Variants in LPP observed in about 807,000 individuals in gnomAD.
LPP encodes the protein lipoma-preferred partner.
LPP carries 38 observed loss-of-function variants against 60.4 expected under a neutral mutation model. The observed-to-expected ratio is 0.63, with a 90% CI of 0.49 to 0.83. The LOEUF is 0.83. LPP is among the 40% of genes least tolerant of loss of function. The pLI is 0.00. For synonymous variants in LPP, 328 were observed against 290.8 expected, an observed-to-expected ratio of 1.13 and a Z score of -1.30; for missense variants, 902 against 783.6, an observed-to-expected ratio of 1.15 and a Z score of -1.80.
At chr3:188,671,868 TAGTC>T (rs1301405886) in intron 7 of LPP, among the ~76,000 whole-genome samples, 11 of 152,304 alleles carry the variant, frequency 7.2e-5, no homozygotes, top group East Asian at 1.9e-4. Context: ...ATTGACTAAT[TAGTC>T]AGCCAGAAAT....
intron 1 of LPP, among the ~76,000 whole-genome samples, chr3:188,210,026 A>T (rs545493868): frequency 3.1e-4 from 47 of 152,090 alleles, no homozygotes; most frequent in African/African-American, 1.1e-3. Flanking sequence ...CTCTGTATCC[A>T]TGGTTTCTGC....
intron 6 of LPP, among the ~76,000 whole-genome samples, chr3:188,590,299 G>A (rs548546741): frequency 2.0e-5 from 3 of 152,176 alleles, no homozygotes; most frequent in South Asian, 2.1e-4. Flanking sequence ...TTGGCCAGGC[G>A]CTGTGGCTCA....
At chr3:188,729,156 A>T (rs1003513330) in intron 8 of LPP, among the ~76,000 whole-genome samples, 1 of 152,236 alleles carries the variant, frequency 6.6e-6, no homozygotes, top group Non-Finnish European at 1.5e-5. Flanking sequence ...CAGAAGAAAC[A>T]GCATGTACAA....
chr3:188,298,850 G>C (rs1371540570), intron 2 of LPP, among the ~76,000 whole-genome samples: 2 of 152,122 alleles, frequency 1.3e-5, no homozygotes, highest in Non-Finnish European at 1.5e-5. Flanking sequence ...GCCCAGTGTG[G>C]GATGGGTTCT....
At chr3:188,871,076 T>A (rs1767980145) in intron 10 of LPP, among the ~76,000 whole-genome samples, 1 of 152,154 alleles carries the variant, frequency 6.6e-6, no homozygotes, top group Non-Finnish European at 1.5e-5. Flanking sequence ...CCCATAAATA[T>A]ATCCAAATAA....
At chr3:188,652,514 A>G (rs1852296696) in intron 7 of LPP, among the ~76,000 whole-genome samples, 1 of 152,128 alleles carries the variant, frequency 6.6e-6, no homozygotes, top group Non-Finnish European at 1.5e-5. Context: ...ATTCTGTATA[A>G]TGCAAAACAG....
intron 7 of LPP, among the ~76,000 whole-genome samples, chr3:188,646,752 A>T (rs940857221): frequency 6.6e-6 from 1 of 152,232 alleles, no homozygotes; most frequent in African/African-American, 2.4e-5. Flanking sequence ...CAGAAAGCCA[A>T]AAAGTTTCTC....
intron 9 of LPP, among the ~76,000 whole-genome samples, chr3:188,763,029 T>A (rs1336858225): frequency 6.6e-6 from 1 of 152,176 alleles, no homozygotes; most frequent in Admixed American, 6.6e-5. Context: ...TTGAGGAAAT[T>A]GGGCAAATGA....
In LPP at chr3:188,402,060, A is replaced by G. The variant is rs1480626604; in HGVS notation, c.-9-4052A>G. ...ACCTCAGAATAAATAGAAAACTACT[A>G]CTATTATCATAGAAGTTACTGGCAA... is the stretch of plus-strand genomic sequence containing the variant. On this transcript the variant is annotated intron_variant, in intron 3 of 11. Coordinates refer to ENST00000617246, the MANE Select transcript of LPP (RefSeq NM_001375462.1). Among the ~76,000 whole-genome samples, 4 of 152,188 alleles carry G rather than the reference A, an allele frequency of 2.6e-5. No homozygotes were observed. In the East Asian group the frequency reaches 5.8e-4, roughly 22 times the overall value.
chr3:188,547,090 G>T (rs769612961), intron 6 of LPP, among the ~76,000 whole-genome samples: 9 of 152,178 alleles, frequency 5.9e-5, no homozygotes, highest in Admixed American at 1.3e-4. Context: ...TCCTGGAGAG[G>T]TCAGAGGGGG....
chr3:188,227,913 A>G (rs1718406010), intron 2 of LPP, among the ~76,000 whole-genome samples: 1 of 152,252 alleles, frequency 6.6e-6, no homozygotes, highest in African/African-American at 2.4e-5. Context: ...GAATTTGGAC[A>G]TAGTCCCATC....
rs1553836177 is a variant in LPP at position 188,760,407 on chromosome 3, G to GTGTGT, written c.1410+125_1410+126insTGTGT. The GTGTGT allele has an allele frequency of 1.7e-5, 9 of 538,462 alleles. No individual in the cohort carries two copies. In the African/African-American group the frequency reaches 2.5e-4, roughly 15 times the overall value. The allele number at this position is 538,462 out of a possible 1,614,324, so 33.4% of individuals were successfully genotyped here. On this transcript the variant is annotated intron_variant, in intron 9 of 11. Coordinates refer to ENST00000617246, the MANE Select transcript of LPP (RefSeq NM_001375462.1). ...TTCCTAGACTTCAAAATGTGTGTGT[G>GTGTGT]GGGTGTGTGTGTGTGTGTGTGTGTG... is the stretch of plus-strand genomic sequence containing the variant.
At chr3:188,834,104 GC>G in intron 9 of LPP, among the ~76,000 whole-genome samples, 1 of 151,970 alleles carries the variant, frequency 6.6e-6, no homozygotes, top group Non-Finnish European at 1.5e-5. Flanking sequence ...CAACTCTATA[GC>G]CTTTGATACT....
At chr3:188,159,618 G>A (rs867345675) in intron 1 of LPP, among the ~76,000 whole-genome samples, 2 of 152,318 alleles carry the variant, frequency 1.3e-5, no homozygotes, top group East Asian at 3.9e-4. Flanking sequence ...TTGATGAAGA[G>A]AGGGAGTAAA....
intron 1 of LPP, among the ~76,000 whole-genome samples, chr3:188,168,964 A>G (rs1436345392): frequency 6.6e-6 from 1 of 151,690 alleles, no homozygotes; most frequent in African/African-American, 2.4e-5. Flanking sequence ...TGCAAACACC[A>G]CCTCCCCCAC....
intron 2 of LPP, among the ~76,000 whole-genome samples, chr3:188,277,629 A>G (rs1383272838): frequency 6.6e-6 from 1 of 152,180 alleles, no homozygotes; most frequent in South Asian, 2.1e-4. Flanking sequence ...CCATTTCTTA[A>G]TCTCTCTAAG....
chr3:188,537,376 T>C lies in LPP; in HGVS notation c.429+12589T>C, dbSNP rs146263141. On this transcript the variant is annotated intron_variant, in intron 6 of 11. Coordinates refer to ENST00000617246, the MANE Select transcript of LPP (RefSeq NM_001375462.1). ...ACAATAGATTTTATGACAAAAGTTA[T>C]GTAAAAAGGGGCTGAAATCAGTATT... Among the ~76,000 whole-genome samples the C allele has an allele frequency of 4.5e-3, 682 of 152,306 alleles. 3 individuals carry two copies. Among genetic ancestry groups the C allele is most frequent in the Non-Finnish European group, 8.0e-3 (543 of 68,026 alleles).
intron 4 of LPP, among the ~76,000 whole-genome samples, chr3:188,437,465 C>T (rs1792618254): frequency 1.3e-5 from 2 of 152,182 alleles, no homozygotes; most frequent in African/African-American, 4.8e-5. Flanking sequence ...TAAATATGTA[C>T]ACAAATGACT....
intron 2 of LPP, among the ~76,000 whole-genome samples, chr3:188,340,944 G>T (rs1031099762): frequency 1.6e-4 from 25 of 152,218 alleles, no homozygotes; most frequent in Non-Finnish European, 3.1e-4. Context: ...ATAATGGAGA[G>T]AAATCTTATT....
Sources: gnomAD v4.1 joint callset for allele counts (sites outside exome capture counted in the v4.1 genomes callset) on GRCh38, gnomAD v4.1.1 for gene constraint, MANE v1.5 for transcripts, NCBI Gene and HGNC (gene_info 2026-07-23, HGNC 2026-07-21) for gene names.